MED12L: variants seen among roughly 807,000 people sequenced by gnomAD.
MED12L encodes the protein mediator of RNA polymerase II transcription subunit 12-like protein.
A neutral mutation model predicts 281.3 loss-of-function variants in MED12L; 60 were observed. The observed-to-expected ratio is 0.21, with a 90% confidence interval of 0.17 to 0.26. The LOEUF (loss-of-function observed/expected upper bound fraction) is 0.26. MED12L is among the 10% of genes least tolerant of loss of function. The pLI, the probability that MED12L is intolerant of heterozygous loss-of-function variation, is 1.00. For missense variants in MED12L, 2,146 were observed against 2,680.9 expected (o/e 0.80, Z 4.41); for synonymous variants, 974 against 987.2 (o/e 0.99, Z 0.25).
chr3:151,158,783 T>C lies in MED12L; in HGVS notation c.821T>C (p.Leu274Pro). 2 of 1,610,324 alleles carry C rather than the reference T, an allele frequency of 1.2e-6. No individual in the cohort carries two copies. The highest frequency in any genetic ancestry group is 1.7e-6 in the Non-Finnish European group (2 of 1,176,812). Residue 274 changes from leucine (L) to proline (P), a missense_variant, in exon 7 of 45, where the codon CTA becomes CCA. Leu to Pro is a moderately conservative substitution (Grantham distance 98). Transcript: ENST00000687756. ...PMDDDLLKLL[L>P]PLMLQYSDEF... ...GATGATGATCTTCTTAAACTCTTGC[T>C]ACCACTAATGCTGCAGGTATAGTAC...
intron 16 of MED12L, among the ~76,000 whole-genome samples, chr3:151,245,465 A>G (rs1287939995): frequency 1.7e-5 from 2 of 115,192 alleles, no homozygotes; most frequent in African/African-American, 6.6e-5. Context: ...CTGGTTCAAT[A>G]TACACAAATC....
rs147636524 is a variant in MED12L, at chr3:151,243,503, A to G, written c.2250+49837A>G. On this transcript the variant is annotated intron_variant, in intron 16 of 44. Coordinates refer to ENST00000687756, the MANE Select transcript of MED12L (RefSeq NM_001393769.1). Reference sequence around the variant, plus strand: ...AAGAATTTTCAACCTGGAATTTCATATCCAGCGAAACTAAGCTTCATAAGC... The same window carrying G: ...AAGAATTTTCAACCTGGAATTTCATGTCCAGCGAAACTAAGCTTCATAAGC... Among the ~76,000 whole-genome samples the G allele has an allele frequency of 5.7e-3, 870 of 152,334 alleles. 12 individuals carry two copies. The highest frequency in any genetic ancestry group is 0.02 in the African/African-American group (828 of 41,570).
At chr3:151,375,769 T>C (rs1390636265) in intron 27 of MED12L, among the ~76,000 whole-genome samples, 1 of 152,136 alleles carries the variant, frequency 6.6e-6, no homozygotes, top group African/African-American at 2.4e-5. Context: ...AAAAACATAC[T>C]AATATTCTCT....
chr3:151,099,604 G>A (rs949469653), intron 2 of MED12L, among the ~76,000 whole-genome samples: 2 of 152,182 alleles, frequency 1.3e-5, no homozygotes, highest in African/African-American at 4.8e-5. Context: ...TGAAGAGCAT[G>A]CAGAAAATCT....
chr3:151,429,614 C>T (rs1440201366), intron 43 of MED12L, among the ~76,000 whole-genome samples: 1 of 152,130 alleles, frequency 6.6e-6, no homozygotes, highest in Admixed American at 6.5e-5. Context: ...TTGGAATAAC[C>T]ACAATTTCTT....
chr3:151,295,440 C>T (rs544237514), intron 16 of MED12L, among the ~76,000 whole-genome samples: 5 of 152,270 alleles, frequency 3.3e-5, no homozygotes, highest in African/African-American at 7.2e-5. Flanking sequence ...GTAAAAAGTC[C>T]CATTTCTGAT....
intron 8 of MED12L, among the ~76,000 whole-genome samples, chr3:151,161,453 G>C (rs1406939633): frequency 6.6e-6 from 1 of 152,178 alleles, no homozygotes; most frequent in African/African-American, 2.4e-5. Context: ...TGAAGGACAG[G>C]AGTGCTTAAG....
intron 11 of MED12L, among the ~76,000 whole-genome samples, chr3:151,184,570 G>A (rs1723052240): frequency 6.6e-6 from 1 of 152,064 alleles, no homozygotes; most frequent in Admixed American, 6.6e-5. Context: ...CCATCTCCCC[G>A]CTCACCACTC....
chr3:151,100,364 C>T (rs567044039), intron 2 of MED12L, among the ~76,000 whole-genome samples: 1 of 152,304 alleles, frequency 6.6e-6, no homozygotes, highest in Admixed American at 6.5e-5. Flanking sequence ...TTTCCTTTTC[C>T]AGCCATTTCA....
rs1316244409 is a variant in MED12L, at chr3:151,365,130, G to C, written c.3109G>C (p.Asp1037His). 14 of 1,614,086 alleles carry C rather than the reference G, an allele frequency of 8.7e-6. No individual in the cohort carries two copies. The highest frequency in any genetic ancestry group is 1.2e-5 in the Non-Finnish European group (14 of 1,179,962). Residue 1037 changes from aspartate to histidine, a missense_variant, in exon 22 of 45, where the codon GAC (aspartate) becomes CAC (histidine). By Grantham distance (81) the Asp-to-His change is moderately conservative (BLOSUM62 -1). Around this residue, in one of 9 missense-constraint regions of MED12L, gnomAD observed 404 missense variants for 603.5 expected, o/e 0.67. Transcript: ENST00000687756. ...CTCAATGCTGGGCAAGATCCTCAGT[G>C]ACAATGCGGCCAATCGCTACAGCTT... ...NYSMLGKILS[D>H]NAANRYSFVC...
intron 16 of MED12L, among the ~76,000 whole-genome samples, chr3:151,251,999 G>C (rs563430848): frequency 1.3e-5 from 2 of 152,196 alleles, no homozygotes; most frequent in Non-Finnish European, 2.9e-5. Flanking sequence ...TTACATAACT[G>C]TGTAATTTGT....
intron 16 of MED12L, among the ~76,000 whole-genome samples, chr3:151,232,259 A>G (rs1220460727): frequency 3.3e-5 from 5 of 152,236 alleles, no homozygotes; most frequent in Non-Finnish European, 7.3e-5. Context: ...CTCTTTGAGC[A>G]ATCACAGTGT....
rs1756331462 is a variant in MED12L at position 151,372,622 on chromosome 3, C to T, written c.3720C>T (p.Thr1240=). Residue 1240 remains threonine, a synonymous_variant, in exon 27 of 45, where the codon ACC becomes ACT. Transcript: ENST00000687756. ...GCTCTTTAAAGAATGATGACTTCACCATGAGAGGTTTGCGATGTGATGGGA... is the reference window on the plus strand; with the variant it reads ...GCTCTTTAAAGAATGATGACTTCACTATGAGAGGTTTGCGATGTGATGGGA... ...SVSSLKNDDF[T]MRGLRCDGNA... 6.2e-7 allele frequency: 1 copy of T among 1,613,750 alleles called. No individual in the cohort carries two copies. Among genetic ancestry groups the T allele is most frequent in the African/African-American group, 1.3e-5 (1 of 74,910 alleles).
intron 16 of MED12L, among the ~76,000 whole-genome samples, chr3:151,202,067 A>C (rs867174670): frequency 1.3e-5 from 2 of 152,248 alleles, no homozygotes; most frequent in African/African-American, 4.8e-5. Flanking sequence ...ATGAATAATC[A>C]TTCAGTAATT....
intron 13 of MED12L, among the ~76,000 whole-genome samples, chr3:151,188,694 A>T (rs75111956): frequency 6.6e-6 from 1 of 152,228 alleles, no homozygotes; most frequent in African/African-American, 2.4e-5. Flanking sequence ...AATAATTGTT[A>T]AAAGTCACCT....
chr3:151,292,406 C>T lies in MED12L; in HGVS notation c.2251-57653C>T, dbSNP rs544368189. 4.6e-5 allele frequency among the ~76,000 whole-genome samples: 7 copies of T among 151,732 alleles called. No homozygotes were observed. In the South Asian group the frequency reaches 1.5e-3, roughly 32 times the overall value. ...AGTTCAAAAGATTCTCCTGCCTCAG[C>T]CTTCTAAGTAGCTGGGATTACAGGT... On this transcript the variant is annotated intron_variant, in intron 16 of 44. Coordinates refer to ENST00000687756, the MANE Select transcript of MED12L (RefSeq NM_001393769.1).
At chr3:151,145,015 C>T (rs1209226899) in intron 5 of MED12L, among the ~76,000 whole-genome samples, 1 of 152,198 alleles carries the variant, frequency 6.6e-6, no homozygotes, top group Non-Finnish European at 1.5e-5. Flanking sequence ...CTTCTGGGCC[C>T]TCGCTCTGTG....
At chr3:151,225,411 C>T (rs950255009) in intron 16 of MED12L, among the ~76,000 whole-genome samples, 2 of 152,130 alleles carry the variant, frequency 1.3e-5, no homozygotes, top group African/African-American at 2.4e-5. Flanking sequence ...TGAGGCCTTC[C>T]TGCTGCATCA....
At chr3:151,263,095 C>G (rs368828456) in intron 16 of MED12L, among the ~76,000 whole-genome samples, 1 of 151,986 alleles carries the variant, frequency 6.6e-6, no homozygotes, top group Non-Finnish European at 1.5e-5. Context: ...ATGGGGTTGA[C>G]GAGTGAGGAT....
Sources: allele counts gnomAD v4.1 joint callset (sites outside exome capture counted in the v4.1 genomes callset), GRCh38; gene constraint gnomAD v4.1.1; regional missense constraint gnomAD v4.1.1; transcripts MANE v1.5; gene names NCBI Gene and HGNC (gene_info 2026-07-23, HGNC 2026-07-21).